Variants in PCDH15 observed in about 807,000 individuals in gnomAD.
PCDH15 encodes the protein protocadherin related 15, also known as protocadherin-15.
A neutral mutation model predicts 178.5 loss-of-function variants in PCDH15; 129 were observed. The ratio of observed to expected loss-of-function variants is 0.72; its 90% CI spans 0.63 to 0.84. PCDH15 has a LOEUF of 0.84. Among genes scored for constraint, PCDH15 ranks in the 40% least tolerant of loss-of-function variants. The pLI is 0.00. For missense variants in PCDH15, 2,230 were observed against 2,099.9 expected (o/e 1.06, Z -1.21); for synonymous variants, 800 against 732.0 (o/e 1.09, Z -1.50).
intron 2 of PCDH15, among the ~76,000 whole-genome samples, chr10:54,925,530 T>A (rs1837597635): frequency 6.6e-6 from 1 of 152,186 alleles, no homozygotes; most frequent in African/African-American, 2.4e-5. Flanking sequence ...ACAAATTGCT[T>A]TGGCAGTGTG....
intron 2 of PCDH15, among the ~76,000 whole-genome samples, chr10:54,987,924 T>TA (rs1839411913): frequency 6.6e-6 from 1 of 152,220 alleles, no homozygotes; most frequent in Non-Finnish European, 1.5e-5. Context: ...ATTTTTGTCA[T>TA]AAAGTCTTTG....
intron 1 of PCDH15, among the ~76,000 whole-genome samples, chr10:55,215,616 T>G (rs144086058): frequency 6.6e-6 from 1 of 152,096 alleles, no homozygotes; most frequent in Non-Finnish European, 1.5e-5. Flanking sequence ...CTTTTTTGCC[T>G]TATCAATGTA....
intron 2 of PCDH15, among the ~76,000 whole-genome samples, chr10:54,596,996 G>A (rs1012369248): frequency 2.0e-5 from 3 of 151,884 alleles, no homozygotes; most frequent in East Asian, 1.9e-4. Flanking sequence ...ACAATAATAC[G>A]GGGAAATTTT....
intron 15 of PCDH15, among the ~76,000 whole-genome samples, chr10:54,121,391 A>C (rs72797038): frequency 6.6e-6 from 1 of 152,018 alleles, no homozygotes; most frequent in Non-Finnish European, 1.5e-5. Context: ...AAGTAGATAA[A>C]CAAGAACAAA....
chr10:55,495,204 T>G (rs946018283), intron 2 of PCDH15, among the ~76,000 whole-genome samples: 8 of 151,712 alleles, frequency 5.3e-5, no homozygotes, highest in African/African-American at 1.9e-4. Flanking sequence ...CAATGATTTC[T>G]TAAATATAAA....
chr10:54,941,813 T>C (rs1564649295), intron 2 of PCDH15, among the ~76,000 whole-genome samples: 3 of 151,976 alleles, frequency 2.0e-5, no homozygotes. Flanking sequence ...GAAGTCTATT[T>C]CCCCCCCGTA....
chr10:54,134,979 A>G (rs12255655), intron 14 of PCDH15, among the ~76,000 whole-genome samples: 2,337 of 151,270 alleles, frequency 0.015, 75 homozygotes, highest in African/African-American at 0.054. Flanking sequence ...GGCCAAGGTG[A>G]GCGATCACAA....
chr10:53,882,155 C>T (rs577662984), intron 26 of PCDH15, among the ~76,000 whole-genome samples: 1 of 147,270 alleles, frequency 6.8e-6, no homozygotes, highest in East Asian at 2.0e-4. Flanking sequence ...GGCAGAGAAG[C>T]TGAGGCAGGG....
intron 2 of PCDH15, among the ~76,000 whole-genome samples, chr10:55,093,722 G>C (rs1360802574): frequency 6.6e-6 from 1 of 152,080 alleles, no homozygotes; most frequent in African/African-American, 2.4e-5. Flanking sequence ...CCATCAAAAA[G>C]TGGGCAAAGG....
chr10:54,345,782 A>G lies in PCDH15; in HGVS notation c.594+583T>C, dbSNP rs371054638. On this transcript the variant is annotated intron_variant, in intron 6 of 37. Coordinates refer to ENST00000644397, the MANE Select transcript of PCDH15 (RefSeq NM_001384140.1). ...ACGCCACTGCACTCCAGCCTGGGCA[A>G]CAGAGCGAGACTCCGTCTCAAAAAA... 2.3e-5 allele frequency among the ~76,000 whole-genome samples: 3 copies of G among 130,506 alleles called. No individual in the cohort carries two copies. In the East Asian group the frequency reaches 6.2e-4, roughly 27 times the overall value. 85.6% of individuals were successfully genotyped at this position (130,506 alleles called of 152,430 possible).
intron 1 of PCDH15, among the ~76,000 whole-genome samples, chr10:54,669,466 A>C (rs758656900): frequency 3.0e-4 from 46 of 151,462 alleles, no homozygotes; most frequent in Non-Finnish European, 1.3e-4. Flanking sequence ...TATACAATTT[A>C]TATAAAGAAG....
rs528197269 is a variant in PCDH15, at chr10:55,101,340, G to C, written c.-80+65236C>G. Among the ~76,000 whole-genome samples, 5 of 151,746 alleles carry C rather than the reference G, an allele frequency of 3.3e-5. No homozygotes were observed. In the South Asian group the frequency reaches 1.0e-3, roughly 32 times the overall value. On this transcript the variant is annotated intron_variant, in intron 2 of 5. Transcript: ENST00000458638. ...GAGTTTACAGTGATCAGTGAGCTGA[G>C]ATTGTGCCACTGCACTCCAGCCTGG...
intron 1 of PCDH15, among the ~76,000 whole-genome samples, chr10:54,768,147 A>C (rs2133230175): frequency 6.6e-6 from 1 of 152,274 alleles, no homozygotes; most frequent in South Asian, 2.1e-4. Flanking sequence ...AAAGAGTCTA[A>C]ATATGAATGT....
At chr10:55,501,832 C>T (rs1409622399) in intron 2 of PCDH15, among the ~76,000 whole-genome samples, 1 of 151,664 alleles carries the variant, frequency 6.6e-6, no homozygotes, top group Non-Finnish European at 1.5e-5. Flanking sequence ...AAATCAATCT[C>T]TTGTTTATCA....
chr10:54,395,178 A>G (rs1158932671), intron 3 of PCDH15, among the ~76,000 whole-genome samples: 5 of 152,156 alleles, frequency 3.3e-5, no homozygotes, highest in African/African-American at 9.7e-5. Context: ...TGGGGAAGTG[A>G]TAAGTGTCCA....
chr10:54,434,970 T>C (rs1331155966), intron 3 of PCDH15, among the ~76,000 whole-genome samples: 1 of 152,210 alleles, frequency 6.6e-6, no homozygotes, highest in Non-Finnish European at 1.5e-5. Context: ...TGAAAATCTC[T>C]TCAATAAGAG....
chr10:54,385,588 TTAAC>T (rs1359812191), intron 3 of PCDH15, among the ~76,000 whole-genome samples: 2 of 152,130 alleles, frequency 1.3e-5, no homozygotes, highest in African/African-American at 2.4e-5. Flanking sequence ...AAAAATGTAA[TTAAC>T]TAAAGAGTAC....
intron 3 of PCDH15, among the ~76,000 whole-genome samples, chr10:54,463,409 G>C (rs1052171776): frequency 6.6e-6 from 1 of 152,136 alleles, no homozygotes; most frequent in Non-Finnish European, 1.5e-5. Context: ...CTGAGACCTA[G>C]TAAGGATAGA....
intron 2 of PCDH15, among the ~76,000 whole-genome samples, chr10:54,976,391 A>T (rs917679778): frequency 9.2e-5 from 14 of 152,206 alleles, no homozygotes; most frequent in African/African-American, 3.4e-4. Context: ...CAGAAGAAGG[A>T]GTTTTACTCA....
Sources: allele counts gnomAD v4.1 joint callset (sites outside exome capture counted in the v4.1 genomes callset), GRCh38; gene constraint gnomAD v4.1.1; transcripts MANE v1.5; gene names NCBI Gene and HGNC (gene_info 2026-07-23, HGNC 2026-07-21).